The following SGMS1 variants were observed in gnomAD, a reference collection of about 807,000 sequenced individuals.
The protein encoded by SGMS1 is sphingomyelin synthase 1, also known as phosphatidylcholine:ceramide cholinephosphotransferase 1.
A neutral mutation model predicts 46.2 loss-of-function variants in SGMS1; 13 were observed. The ratio of observed to expected loss-of-function variants is 0.28; its 90% CI spans 0.18 to 0.45. The LOEUF (loss-of-function observed/expected upper bound fraction) is 0.45, where lower values mean the gene tolerates loss of function less well. SGMS1 is among the 20% of genes least tolerant of loss of function. The pLI, the probability that SGMS1 is intolerant of heterozygous loss-of-function variation, is 1.00. For synonymous variants in SGMS1, 203 were observed against 187.8 expected (o/e 1.08, Z -0.66); for missense variants, 324 against 519.9 (o/e 0.62, Z 3.66).
At chr10:50,535,659 C>T (rs1260459505) in intron 2 of SGMS1, among the ~76,000 whole-genome samples, 1 of 152,070 alleles carries the variant, frequency 6.6e-6, no homozygotes, top group Non-Finnish European at 1.5e-5. Context: ...TGAGCCACCA[C>T]GCCAGGCCAA....
At chr10:50,610,175 G>A (rs371810026) in intron 1 of SGMS1, among the ~76,000 whole-genome samples, 2 of 152,288 alleles carry the variant, frequency 1.3e-5, no homozygotes, top group South Asian at 2.1e-4. Context: ...ACACAGAAAC[G>A]TCAAGCCGCA....
At chr10:50,606,978 A>G (rs1838703349) in intron 1 of SGMS1, among the ~76,000 whole-genome samples, 1 of 149,804 alleles carries the variant, frequency 6.7e-6, no homozygotes, top group South Asian at 2.1e-4. Flanking sequence ...CTAGCATTGT[A>G]CTTTTTTTTT....
intron 6 of SGMS1, among the ~76,000 whole-genome samples, chr10:50,357,451 A>G (rs1848173252): frequency 5.9e-5 from 9 of 152,178 alleles, no homozygotes; most frequent in Admixed American, 5.9e-4. Context: ...TTAACAATTT[A>G]CCATGCAAAT....
intron 7 of SGMS1, chr10:50,341,303 TCTGGTGGGC>T (rs1847817476): frequency 2.2e-6 from 1 of 455,898 alleles, no homozygotes; most frequent in Non-Finnish European, 4.4e-6. Context: ...CTCCTACCTG[TCTGGTGGGC>T]CAGATACACT....
chr10:50,556,010 C>A (rs994038555), intron 2 of SGMS1, among the ~76,000 whole-genome samples: 1 of 152,164 alleles, frequency 6.6e-6, no homozygotes, highest in Non-Finnish European at 1.5e-5. Context: ...CTCATTTTCC[C>A]CTCTCCTCCA....
rs947889600 is a variant in SGMS1 at position 50,475,390 on chromosome 10, G to A, written c.-497-8458C>T. 1.3e-4 allele frequency among the ~76,000 whole-genome samples: 19 copies of A among 151,958 alleles called. 1 individual carries two copies. Among genetic ancestry groups the A allele is most frequent in the South Asian group, 2.1e-4 (1 of 4,820 alleles). On this transcript the variant is annotated intron_variant, in intron 3 of 10. Transcript: ENST00000361781. ...TGAACTGAATGAACCTTTGATATAC[G>A]TTCATTTTATGTCTGCATGCAATAT... is the stretch of plus-strand genomic sequence containing the variant.
intron 5 of SGMS1, among the ~76,000 whole-genome samples, chr10:50,443,214 T>A (rs960527226): frequency 6.6e-6 from 1 of 152,184 alleles, no homozygotes; most frequent in Non-Finnish European, 1.5e-5. Context: ...GGCATCCCTG[T>A]TTTCCAAAGA....
chr10:50,594,357 ACATACTATGGGC>A (rs1838570678), intron 1 of SGMS1, among the ~76,000 whole-genome samples: 1 of 152,224 alleles, frequency 6.6e-6, no homozygotes, highest in South Asian at 2.1e-4. Context: ...TGGTAGATTC[ACATACTATGGGC>A]CCACCTGACT....
intron 3 of SGMS1, among the ~76,000 whole-genome samples, chr10:50,484,522 G>A (rs1837503588): frequency 6.6e-6 from 1 of 152,140 alleles, no homozygotes; most frequent in South Asian, 2.1e-4. Flanking sequence ...TCAAAGAGGA[G>A]AAACTCCTCC....
At chr10:50,418,253 C>A (rs926826348) in intron 6 of SGMS1, 1 of 152,188 alleles carries the variant, frequency 6.6e-6, no homozygotes, top group Non-Finnish European at 1.5e-5. Flanking sequence ...CCGGCGGTCC[C>A]GTTCCCCTGC....
At chr10:50,600,742 T>C (rs920473201) in intron 1 of SGMS1, among the ~76,000 whole-genome samples, 3 of 152,230 alleles carry the variant, frequency 2.0e-5, no homozygotes, top group African/African-American at 7.2e-5. Context: ...GAGAGTCTTC[T>C]ATGTGTCAGA....
chr10:50,532,611 C>A (rs909986878), intron 2 of SGMS1, among the ~76,000 whole-genome samples: 7 of 152,108 alleles, frequency 4.6e-5, no homozygotes, highest in Non-Finnish European at 1.0e-4. Flanking sequence ...AAGAACCTAT[C>A]GATGACATTA....
intron 5 of SGMS1, among the ~76,000 whole-genome samples, chr10:50,435,932 T>C (rs910139839): frequency 2.6e-5 from 4 of 152,216 alleles, no homozygotes; most frequent in African/African-American, 7.2e-5. Flanking sequence ...GTCTTTTACC[T>C]TCAGAACCAG....
intron 2 of SGMS1, among the ~76,000 whole-genome samples, chr10:50,583,619 T>C (rs1477913059): frequency 6.6e-6 from 1 of 152,224 alleles, no homozygotes; most frequent in Non-Finnish European, 1.5e-5. Flanking sequence ...CAAAAACATG[T>C]AGCCAAGATG....
chr10:50,531,892 G>T (rs998606155), intron 2 of SGMS1, among the ~76,000 whole-genome samples: 1 of 152,186 alleles, frequency 6.6e-6, no homozygotes, highest in African/African-American at 2.4e-5. Context: ...TACAGATAAA[G>T]TTCAGAGAGA....
At chr10:50,332,611 C>CTTTTTTTTTTTTT (rs150975310) in intron 7 of SGMS1, among the ~76,000 whole-genome samples, 1 of 72,710 alleles carries the variant, frequency 1.4e-5, no homozygotes, top group African/African-American at 5.8e-5. Flanking sequence ...TTTTTTAAGT[C>CTTTTTTTTTTTTT]TTTTTTTTTT....
chr10:50,558,286 C>G (rs78437232), intron 2 of SGMS1, among the ~76,000 whole-genome samples: 1,663 of 152,282 alleles, frequency 0.011, 38 homozygotes, highest in African/African-American at 0.038. Flanking sequence ...GTTCTTATTA[C>G]TATTTATTTG....
intron 3 of SGMS1, among the ~76,000 whole-genome samples, chr10:50,468,231 A>C (rs1837348098): frequency 2.0e-5 from 3 of 152,214 alleles, no homozygotes. Flanking sequence ...TGATGTAAAC[A>C]GTTAGTGGGT....
chr10:50,622,162 T>C (rs148486721), intron 1 of SGMS1, among the ~76,000 whole-genome samples: 2 of 152,162 alleles, frequency 1.3e-5, no homozygotes, highest in African/African-American at 4.8e-5. Flanking sequence ...ACCTGCTGAA[T>C]CACCAAACAT....
Sources: allele counts gnomAD v4.1 joint callset (sites outside exome capture counted in the v4.1 genomes callset), GRCh38; gene constraint gnomAD v4.1.1; transcripts MANE v1.5; gene names NCBI Gene and HGNC (gene_info 2026-07-23, HGNC 2026-07-21).